ASB2: variants seen among roughly 807,000 people sequenced by gnomAD.
ASB2 encodes the protein ankyrin repeat and SOCS box containing 2, also known as ankyrin repeat and SOCS box protein 2.
ASB2 carries 58 observed loss-of-function variants against 62.4 expected under a neutral mutation model. That is an observed-to-expected ratio of 0.93 (90% CI 0.75 to 1.16). The LOEUF is 1.16. ASB2 is among the 50% of genes most tolerant of loss of function. The probability of loss-of-function intolerance (pLI) is 0.00; values close to 1 mark genes in which losing one functional copy is unlikely to be tolerated. For synonymous variants in ASB2, 386 were observed against 385.3 expected, an observed-to-expected ratio of 1.00 and a Z score of -0.02; for missense variants, 928 against 887.9, an observed-to-expected ratio of 1.05 and a Z score of -0.57.
intron 7 of ASB2, among the ~76,000 whole-genome samples, chr14:93,945,169 A>G (rs1377689209): frequency 6.6e-6 from 1 of 152,222 alleles, no homozygotes; most frequent in Non-Finnish European, 1.5e-5. Context: ...CCAGAGGGAC[A>G]TGGATGTGCA....
intron 5 of ASB2, 134 bp from the exon 6 acceptor site, chr14:93,951,378 C>G (rs139557539): frequency 1.8e-6 from 2 of 1,093,618 alleles, no homozygotes; most frequent in Non-Finnish European, 1.3e-6. Context: ...AGTTCCAATC[C>G]CTGCATTGAA....
Position 93,956,751 on chromosome 14 carries a change from A to T in ASB2, c.311+15T>A. ...TGAACTTGGATGGTCCTGGGGCCAG[A>T]CAGGAGTCACTTACGCCAGCTGGGA... On this transcript the variant is annotated intron_variant, in intron 3 of 9. Coordinates refer to ENST00000555019, the MANE Select transcript of ASB2 (RefSeq NM_001202429.2). 6.2e-7 allele frequency: 1 copy of T among 1,613,992 alleles called. No homozygotes were observed. Among genetic ancestry groups the T allele is most frequent in the Non-Finnish European group, 8.5e-7 (1 of 1,179,954 alleles).
chr14:93,939,182 G>A lies in ASB2; in HGVS notation c.1543C>T (p.His515Tyr). The part of the protein sequence containing the change: ...CFSCLYGNGP[H>Y]PPAPQPSSRF... ...CTGGAGGGCTGCGGGGCCGGCGGGT[G>A]CGGGCCGTTGCCGTAGAGGCATGAG... The change falls in exon 8 of 10, where the codon CAC becomes TAC. Residue 515 changes from histidine to tyrosine, a missense_variant. By Grantham distance (83) the His-to-Tyr change is moderately conservative. Transcript: ENST00000555019. 1.3e-6 allele frequency: 2 copies of A among 1,586,860 alleles called. No homozygotes were observed. Among genetic ancestry groups the A allele is most frequent in the Non-Finnish European group, 1.7e-6 (2 of 1,161,838 alleles).
intron 2 of ASB2, 34 bp downstream of exon 2, chr14:93,964,300 G>T: frequency 6.6e-7 from 1 of 1,522,738 alleles, no homozygotes; most frequent in Non-Finnish European, 8.8e-7. Context: ...GTCCTGGATG[G>T]CCCCACTTCC....
At chr14:93,971,510 C>A (rs564945005) in intron 1 of ASB2, among the ~76,000 whole-genome samples, 2 of 152,174 alleles carry the variant, frequency 1.3e-5, no homozygotes, top group Non-Finnish European at 2.9e-5. Flanking sequence ...GAACACAGAG[C>A]AAGTGCTGCA....
In ASB2 at chr14:93,934,514, G is replaced by A. The variant is rs1214653571; in HGVS notation, c.*142C>T. On this transcript the variant is annotated 3_prime_UTR_variant, in exon 10 of 10. Transcript: ENST00000555019. ...AGCTCTGGGCCCTGAGACCCAGTGA[G>A]ATCCTGGTAGCTGTCCAGGCTGAGA... 2.7e-6 allele frequency: 2 copies of A among 752,184 alleles called. No homozygotes were observed. The highest frequency in any genetic ancestry group is 1.7e-5 in the African/African-American group (1 of 57,510). The allele number at this position is 752,184 out of a possible 1,614,324, so 46.6% of individuals were successfully genotyped here.
rs1595300157 is a variant in ASB2, at chr14:93,939,167, G to C, written c.1558C>G (p.Gln520Glu). 7 of 1,567,282 alleles carry C rather than the reference G, an allele frequency of 4.5e-6. No homozygotes were observed. Among genetic ancestry groups the C allele is most frequent in the Non-Finnish European group, 2.6e-6 (3 of 1,149,996 alleles). The change falls in exon 8 of 10, where the codon CAG becomes GAG. Residue 520 changes from glutamine to glutamate, a missense_variant. Physicochemically the swap from Gln to Glu is conservative, Grantham distance 29. Transcript: ENST00000555019. ...GCGTCGTTGAACCTGCTGGAGGGCT[G>C]CGGGGCCGGCGGGTGCGGGCCGTTG... ...YGNGPHPPAPQPSSRFNDAPA... is the reference protein window; with the variant it reads ...YGNGPHPPAPEPSSRFNDAPA...
chr14:93,944,999 C>T (rs1372902639), intron 7 of ASB2, among the ~76,000 whole-genome samples: 1 of 152,220 alleles, frequency 6.6e-6, no homozygotes, highest in African/African-American at 2.4e-5. Flanking sequence ...ACCTTGGCTT[C>T]CTTCTCTGTA....
At chr14:93,941,401 G>A (rs1888514467) in intron 7 of ASB2, 1 of 321,168 alleles carries the variant, frequency 3.1e-6, no homozygotes. Flanking sequence ...CTGGCACACA[G>A]GCTTCCTGGA....
In ASB2 at chr14:93,950,980, G is replaced by A. The variant is rs1295304021; in HGVS notation, c.880+19C>T. The A allele has an allele frequency of 1.2e-6, 2 of 1,606,970 alleles. No homozygotes were observed. Among genetic ancestry groups the A allele is most frequent in the Middle Eastern group, 3.3e-4 (2 of 6,030 alleles). ...TGCCCTTTGGGGACTCCATGACCTA[G>A]GGACCCTTAGCCACTCACCGTACTT... On this transcript the variant is annotated intron_variant, in intron 6 of 9. Coordinates refer to ENST00000555019, the MANE Select transcript of ASB2 (RefSeq NM_001202429.2).
chr14:93,965,543 C>T (rs938533045), intron 1 of ASB2, among the ~76,000 whole-genome samples: 2 of 152,156 alleles, frequency 1.3e-5, no homozygotes, highest in African/African-American at 4.8e-5. Context: ...CAGTTGGGTG[C>T]CAATGCTTTA....
intron 2 of ASB2, 81 bp from the exon 3 acceptor site, chr14:93,956,951 G>A (rs376105153): frequency 1.3e-6 from 2 of 1,594,888 alleles, no homozygotes; most frequent in Non-Finnish European, 1.7e-6. Context: ...GCAGGAATGA[G>A]GATGGAGGGA....
At chr14:93,959,922 C>T (rs540220767) in intron 2 of ASB2, among the ~76,000 whole-genome samples, 6 of 151,496 alleles carry the variant, frequency 4.0e-5, no homozygotes, top group African/African-American at 7.3e-5. Flanking sequence ...AAATCGATTC[C>T]GCCCCACGCC....
At chr14:93,944,652 A>G (rs1307951350) in intron 7 of ASB2, among the ~76,000 whole-genome samples, 2 of 152,226 alleles carry the variant, frequency 1.3e-5, no homozygotes, top group East Asian at 3.9e-4. Flanking sequence ...ACCAGGCTTT[A>G]ACCCTTTGTT....
chr14:93,962,538 G>A (rs529165637), intron 2 of ASB2, among the ~76,000 whole-genome samples: 31 of 152,284 alleles, frequency 2.0e-4, no homozygotes, highest in African/African-American at 7.0e-4. Context: ...AGGGCTGCTC[G>A]ACCTGGGAGA....
rs185066880 is a variant in ASB2, at chr14:93,958,225, G to C, written c.207-1355C>G. Among the ~76,000 whole-genome samples, 141 of 152,326 alleles carry C rather than the reference G, an allele frequency of 9.3e-4. 1 individual carries two copies. Among genetic ancestry groups the C allele is most frequent in the African/African-American group, 3.1e-3 (128 of 41,564 alleles). On this transcript the variant is annotated intron_variant, in intron 2 of 9. Coordinates refer to ENST00000555019, the MANE Select transcript of ASB2 (RefSeq NM_001202429.2). ...CTGGCCTTCTACTGACCCGCACTGGGGTGGGCAGGACACCGCCTGCATGTG... is the reference window on the plus strand; with the variant it reads ...CTGGCCTTCTACTGACCCGCACTGGCGTGGGCAGGACACCGCCTGCATGTG...
Position 93,951,151 on chromosome 14 carries a change from T to C in ASB2, c.728A>G (p.His243Arg). The change falls in exon 6 of 10, where the codon CAC becomes CGC. Residue 243 changes from histidine (H) to arginine (R), a missense_variant. Coordinates refer to ENST00000555019, the MANE Select transcript of ASB2 (RefSeq NM_001202429.2). ...HRCNRGWTAL[H>R]ESVSRNDLEV... ...CAGGTCATTGCGAGACACAGACTCGTGCAGAGCGGTCCAGCCGCGGTTGCA... is the reference window on the plus strand; with the variant it reads ...CAGGTCATTGCGAGACACAGACTCGCGCAGAGCGGTCCAGCCGCGGTTGCA... 6.2e-7 allele frequency: 1 copy of C among 1,614,176 alleles called. No individual in the cohort carries two copies.
In ASB2 at chr14:93,937,698, C is replaced by G; in HGVS notation, c.1771G>C (p.Glu591Gln). 3 of 1,605,498 alleles carry G rather than the reference C, an allele frequency of 1.9e-6. No homozygotes were observed. The highest frequency in any genetic ancestry group is 1.1e-5 in the South Asian group (1 of 90,862). The change falls in exon 9 of 10, where the codon GAA becomes CAA. Residue 591 changes from glutamate (E) to glutamine (Q), a missense_variant and splice_region_variant. By Grantham distance (29) the Glu-to-Gln change is conservative. Transcript: ENST00000555019. Reference protein sequence around the residue: ...EDWAVIKEKAEPPRPLAHLCR... With the variant: ...EDWAVIKEKAQPPRPLAHLCR... Reference sequence around the variant, plus strand: ...CTTGGCAGCAGCAGCAAGTCCCTACCTGCCTTCTCCTTGATGACGGCCCAG... The same window carrying G: ...CTTGGCAGCAGCAGCAAGTCCCTACGTGCCTTCTCCTTGATGACGGCCCAG...
In ASB2 at chr14:93,969,739, C is replaced by T. The variant is rs549189359; in HGVS notation, c.-73-5127G>A. ...GGGCCAGTCCAAGGCCAGTGTGGAG[C>T]AAGGGAGGCCTGGCCCCGCAGGGCC... On this transcript the variant is annotated intron_variant, in intron 1 of 9. Transcript: ENST00000555019. Among the ~76,000 whole-genome samples, 6 of 152,310 alleles carry T rather than the reference C, an allele frequency of 3.9e-5. No individual in the cohort carries two copies. The East Asian group carries it at 1.2e-3, about 29-fold the overall frequency.
Sources: gnomAD v4.1 joint callset for allele counts (sites outside exome capture counted in the v4.1 genomes callset) on GRCh38, gnomAD v4.1.1 for gene constraint, MANE v1.5 for transcripts, NCBI Gene and HGNC (gene_info 2026-07-23, HGNC 2026-07-21) for gene names.